DCLK1: variants seen among roughly 807,000 people sequenced by gnomAD.
DCLK1 encodes serine/threonine-protein kinase DCLK1.
A neutral mutation model predicts 86.2 loss-of-function variants in DCLK1; 16 were observed. The observed-to-expected ratio is 0.19, with a 90% CI of 0.13 to 0.28. DCLK1 has a LOEUF of 0.28. DCLK1 is among the 10% of genes least tolerant of loss of function. The probability of loss-of-function intolerance (pLI) is 1.00; values close to 1 mark genes in which losing one functional copy is unlikely to be tolerated. For missense variants in DCLK1, 590 were observed against 940.2 expected, an observed-to-expected ratio of 0.63 and a Z score of 4.87; for synonymous variants, 369 against 370.5, an observed-to-expected ratio of 1.00 and a Z score of 0.05.
chr13:35,888,942 A>G (rs1367809812), intron 4 of DCLK1, among the ~76,000 whole-genome samples: 1 of 152,240 alleles, frequency 6.6e-6, no homozygotes, highest in Non-Finnish European at 1.5e-5. Flanking sequence ...AACAAAGAGT[A>G]AAGTGTCAAG....
chr13:35,935,202 G>A (rs1285719960), intron 4 of DCLK1, among the ~76,000 whole-genome samples: 1 of 152,184 alleles, frequency 6.6e-6, no homozygotes, highest in Non-Finnish European at 1.5e-5. Flanking sequence ...GGCAGAGGAG[G>A]AATAAAGGGT....
intron 5 of DCLK1, among the ~76,000 whole-genome samples, chr13:35,865,893 G>A (rs1054057786): frequency 2.6e-5 from 4 of 152,154 alleles, no homozygotes; most frequent in East Asian, 1.9e-4. Flanking sequence ...CTCCTGGAAC[G>A]CTGGTGCCAA....
At chr13:36,091,098 A>G (rs1304871445) in intron 3 of DCLK1, among the ~76,000 whole-genome samples, 1 of 152,174 alleles carries the variant, frequency 6.6e-6, no homozygotes, top group African/African-American at 2.4e-5. Flanking sequence ...CCTTTGTCAG[A>G]TGGGTAGATT....
chr13:35,789,206 A>G (rs1277259013), intron 16 of DCLK1, among the ~76,000 whole-genome samples: 1 of 152,150 alleles, frequency 6.6e-6, no homozygotes, highest in Non-Finnish European at 1.5e-5. Flanking sequence ...AGAGGGGCTC[A>G]TGTGTTCTTT....
intron 3 of DCLK1, among the ~76,000 whole-genome samples, chr13:36,089,574 ACT>A (rs1884743110): frequency 6.6e-6 from 1 of 151,280 alleles, no homozygotes; most frequent in South Asian, 2.1e-4. Flanking sequence ...GTTTCCCATC[ACT>A]CTCTTCTTTC....
At chr13:35,866,611 T>C (rs1408891956) in intron 5 of DCLK1, among the ~76,000 whole-genome samples, 2 of 146,126 alleles carry the variant, frequency 1.4e-5, no homozygotes, top group Admixed American at 1.4e-4. Context: ...CAGGCTAATT[T>C]TTGTATTTTT....
intron 3 of DCLK1, among the ~76,000 whole-genome samples, chr13:35,951,944 G>A (rs755342369): frequency 6.6e-6 from 1 of 152,112 alleles, no homozygotes; most frequent in Non-Finnish European, 1.5e-5. Flanking sequence ...GGAGATGTCT[G>A]CTTAAGCTGT....
chr13:36,021,505 CAT>C (rs972062762), intron 3 of DCLK1, among the ~76,000 whole-genome samples: 1 of 151,778 alleles, frequency 6.6e-6, no homozygotes, highest in African/African-American at 2.4e-5. Context: ...CTACAAAATA[CAT>C]ATTTTAGATT....
chr13:36,069,197 G>A (rs1883877007), intron 3 of DCLK1, among the ~76,000 whole-genome samples: 1 of 152,128 alleles, frequency 6.6e-6, no homozygotes, highest in Non-Finnish European at 1.5e-5. Flanking sequence ...GTACAGTCCA[G>A]AAAATAATGC....
At chr13:36,070,831 C>T (rs9565837) in intron 3 of DCLK1, among the ~76,000 whole-genome samples, 9,989 of 151,912 alleles carry the variant, frequency 0.066, 395 homozygotes, top group East Asian at 0.12. Context: ...TTAGTAGAAA[C>T]GGGGTTTCAC....
intron 3 of DCLK1, among the ~76,000 whole-genome samples, chr13:35,987,844 A>G (rs1395528032): frequency 6.6e-6 from 1 of 152,130 alleles, no homozygotes; most frequent in Non-Finnish European, 1.5e-5. Context: ...CAGTGTGAAG[A>G]GGTGCTTTCT....
intron 3 of DCLK1, among the ~76,000 whole-genome samples, chr13:36,106,018 T>C (rs1050382270): frequency 2.0e-5 from 3 of 152,194 alleles, no homozygotes; most frequent in Admixed American, 1.3e-4. Context: ...CAGCACACTA[T>C]GGAAGGGCTT....
At position 35,836,025 on chromosome 13, in the gene DCLK1, C is replaced by T. The variant is rs1869347046; in HGVS notation, c.1229+8G>A. 1.3e-6 allele frequency: 2 copies of T among 1,581,402 alleles called. No individual in the cohort carries two copies. Among genetic ancestry groups the T allele is most frequent in the African/African-American group, 1.3e-5 (1 of 74,228 alleles). ...TTTAAGGTTTGATGCAAATGATATC[C>T]TTCTCACCTTTCTACACATTCCTTG... On this transcript the variant is annotated splice_region_variant and intron_variant, in intron 8 of 16. Coordinates refer to ENST00000360631, the MANE Select transcript of DCLK1 (RefSeq NM_001330071.2).
intron 3 of DCLK1, among the ~76,000 whole-genome samples, chr13:36,082,211 C>T (rs1884444040): frequency 6.6e-6 from 1 of 152,114 alleles, no homozygotes; most frequent in South Asian, 2.1e-4. Context: ...ACCTCCTCTT[C>T]CTCCTCCTCC....
chr13:35,831,325 A>G (rs1051879104), intron 8 of DCLK1, among the ~76,000 whole-genome samples: 4 of 152,218 alleles, frequency 2.6e-5, no homozygotes, highest in Non-Finnish European at 5.9e-5. Context: ...AATTCCTAGA[A>G]TCACAGGTTT....
chr13:36,090,405 A>G (rs1884777539), intron 3 of DCLK1, among the ~76,000 whole-genome samples: 1 of 152,196 alleles, frequency 6.6e-6, no homozygotes. Flanking sequence ...GATGGCACAG[A>G]CACTTAGTAT....
At chr13:35,828,083 C>T (rs1868631521) in intron 9 of DCLK1, among the ~76,000 whole-genome samples, 167 bp downstream of exon 9, 1 of 152,188 alleles carries the variant, frequency 6.6e-6, no homozygotes, top group African/African-American at 2.4e-5. Context: ...TTCCAAATAA[C>T]TTTTATCCCA....
At chr13:35,993,546 C>T (rs972679460) in intron 3 of DCLK1, among the ~76,000 whole-genome samples, 27 of 152,158 alleles carry the variant, frequency 1.8e-4, no homozygotes, top group Non-Finnish European at 3.5e-4. Context: ...CACTTACTAT[C>T]TGTGAAACTT....
intron 10 of DCLK1, among the ~76,000 whole-genome samples, chr13:35,823,172 C>T (rs2087437037): frequency 6.6e-6 from 1 of 152,126 alleles, no homozygotes; most frequent in African/African-American, 2.4e-5. Context: ...CGAGGAGATG[C>T]AGCTAGATCT....
Sources: allele counts gnomAD v4.1 joint callset (sites outside exome capture counted in the v4.1 genomes callset), GRCh38; gene constraint gnomAD v4.1.1; transcripts MANE v1.5; gene names NCBI Gene and HGNC (gene_info 2026-07-23, HGNC 2026-07-21).